DOK5: variants seen among roughly 807,000 people sequenced by gnomAD.
DOK5 encodes downstream of tyrosine kinase 5.
A neutral mutation model predicts 43.3 loss-of-function variants in DOK5; 27 were observed. The observed-to-expected ratio is 0.62, with a 90% CI of 0.46 to 0.86. The LOEUF is 0.86. DOK5 is among the 40% of genes least tolerant of loss of function. The probability of loss-of-function intolerance (pLI) is 0.00; values close to 1 mark genes in which losing one functional copy is unlikely to be tolerated. For synonymous variants in DOK5, 146 were observed against 140.1 expected, an observed-to-expected ratio of 1.04 and a Z score of -0.30; for missense variants, 373 against 392.9, an observed-to-expected ratio of 0.95 and a Z score of 0.43.
At chr20:54,639,376 C>T (rs554317347) in intron 6 of DOK5, among the ~76,000 whole-genome samples, 16 of 152,332 alleles carry the variant, frequency 1.1e-4, no homozygotes, top group African/African-American at 3.1e-4. Context: ...TTTTTTATAA[C>T]CCCAAATCAA....
At chr20:54,519,943 T>C (rs1417392473) in intron 1 of DOK5, among the ~76,000 whole-genome samples, 1 of 152,220 alleles carries the variant, frequency 6.6e-6, no homozygotes, top group Non-Finnish European at 1.5e-5. Flanking sequence ...AGAATCCTGT[T>C]GTCTTAATGT....
intron 6 of DOK5, among the ~76,000 whole-genome samples, chr20:54,641,538 T>TCA (rs1364338753): frequency 3.8e-5 from 4 of 106,652 alleles, no homozygotes; most frequent in Non-Finnish European, 6.0e-5. Context: ...CAATTTCTAA[T>TCA]TATCATCATC....
At chr20:54,628,806 A>G (rs933980424) in intron 6 of DOK5, among the ~76,000 whole-genome samples, 1 of 152,236 alleles carries the variant, frequency 6.6e-6, no homozygotes, top group Admixed American at 6.5e-5. Flanking sequence ...TGAGAACTTT[A>G]GGAAGGTATT....
chr20:54,499,920 T>A (rs1432243507), intron 1 of DOK5, among the ~76,000 whole-genome samples: 2 of 152,212 alleles, frequency 1.3e-5, no homozygotes, highest in African/African-American at 4.8e-5. Flanking sequence ...GATCCATGCC[T>A]TCTCTGCTTA....
intron 1 of DOK5, among the ~76,000 whole-genome samples, chr20:54,549,803 C>A (rs2095818748): frequency 6.6e-6 from 1 of 152,066 alleles, no homozygotes; most frequent in Non-Finnish European, 1.5e-5. Context: ...TTTTTGCATA[C>A]CTTTAGCATG....
chr20:54,612,365 G>C (rs1030437291), intron 6 of DOK5, among the ~76,000 whole-genome samples: 1 of 152,168 alleles, frequency 6.6e-6, no homozygotes, highest in Admixed American at 6.5e-5. Context: ...AGGAGGCCTG[G>C]AATGAATTAA....
At chr20:54,531,709 CAAAG>C (rs1983776618) in intron 1 of DOK5, among the ~76,000 whole-genome samples, 1 of 152,150 alleles carries the variant, frequency 6.6e-6, no homozygotes, top group Non-Finnish European at 1.5e-5. Flanking sequence ...CAAGAAAGCG[CAAAG>C]AAAGATTTAT....
At chr20:54,619,016 C>CCTTG (rs1261718500) in intron 6 of DOK5, among the ~76,000 whole-genome samples, 1 of 86,844 alleles carries the variant, frequency 1.2e-5, no homozygotes, top group Non-Finnish European at 2.2e-5. Flanking sequence ...GACCTTGTTT[C>CCTTG]AATAAATTAT....
intron 2 of DOK5, among the ~76,000 whole-genome samples, chr20:54,569,489 A>G (rs990595459): frequency 1.3e-5 from 2 of 152,204 alleles, no homozygotes; most frequent in Non-Finnish European, 2.9e-5. Flanking sequence ...CAATTCTATT[A>G]CAGTAAAGAA....
At chr20:54,544,843 T>A (rs1183487839) in intron 1 of DOK5, among the ~76,000 whole-genome samples, 1 of 152,108 alleles carries the variant, frequency 6.6e-6, no homozygotes, top group Non-Finnish European at 1.5e-5. Context: ...AGAAGACAAC[T>A]CAAAAGGCCA....
chr20:54,618,809 G>T (rs1242511269), intron 6 of DOK5, among the ~76,000 whole-genome samples: 3 of 151,694 alleles, frequency 2.0e-5, no homozygotes, highest in Non-Finnish European at 2.9e-5. Context: ...TTTGAGGCCA[G>T]GAGTTAGAGA....
chr20:54,513,177 C>A (rs1011473607), intron 1 of DOK5, among the ~76,000 whole-genome samples: 1 of 152,092 alleles, frequency 6.6e-6, no homozygotes, highest in Non-Finnish European at 1.5e-5. Context: ...AGGGATGCTC[C>A]TGGAGATTGA....
At chr20:54,506,439 C>T (rs1264519411) in intron 1 of DOK5, among the ~76,000 whole-genome samples, 1 of 152,090 alleles carries the variant, frequency 6.6e-6, no homozygotes, top group African/African-American at 2.4e-5. Context: ...TCAATACATG[C>T]CATTTTATTT....
chr20:54,528,178 C>T, intron 1 of DOK5, among the ~76,000 whole-genome samples: 1 of 152,194 alleles, frequency 6.6e-6, no homozygotes, highest in South Asian at 2.1e-4. Flanking sequence ...TTGCATCCAG[C>T]CTGGGCAACA....
At chr20:54,603,062 C>T (rs1986347053) in intron 5 of DOK5, among the ~76,000 whole-genome samples, 1 of 152,168 alleles carries the variant, frequency 6.6e-6, no homozygotes, top group Admixed American at 6.5e-5. Context: ...AAAATATATT[C>T]GTTTAAGGAA....
intron 6 of DOK5, among the ~76,000 whole-genome samples, chr20:54,626,026 G>A (rs140323499): frequency 3.7e-4 from 56 of 152,354 alleles, no homozygotes; most frequent in Middle Eastern, 3.4e-3. Flanking sequence ...AAGGAGCACC[G>A]TTGTGGAGGC....
chr20:54,502,363 A>G (rs1215489425), intron 1 of DOK5, among the ~76,000 whole-genome samples: 1 of 152,202 alleles, frequency 6.6e-6, no homozygotes. Flanking sequence ...CAGAAAATAG[A>G]TGAATGGTTA....
intron 1 of DOK5, among the ~76,000 whole-genome samples, chr20:54,513,791 A>G (rs1983098836): frequency 6.6e-6 from 1 of 152,206 alleles, no homozygotes; most frequent in Non-Finnish European, 1.5e-5. Context: ...ATTTTTCAGG[A>G]GAAGAATTTT....
At chr20:54,585,553 C>G (rs1985775931) in intron 2 of DOK5, among the ~76,000 whole-genome samples, 1 of 152,156 alleles carries the variant, frequency 6.6e-6, no homozygotes, top group South Asian at 2.1e-4. Flanking sequence ...CTACCTCCAC[C>G]TCAATTTTTA....
Sources: gnomAD v4.1 joint callset for allele counts (sites outside exome capture counted in the v4.1 genomes callset) on GRCh38, gnomAD v4.1.1 for gene constraint, MANE v1.5 for transcripts, NCBI Gene and HGNC (gene_info 2026-07-23, HGNC 2026-07-21) for gene names.